Variants in EFL1 observed in about 807,000 individuals in gnomAD.
EFL1 encodes elongation factor-like GTPase 1.
EFL1 carries 76 observed loss-of-function variants against 126.7 expected under a neutral mutation model. The observed-to-expected ratio is 0.60, with a 90% CI of 0.50 to 0.73. The LOEUF (loss-of-function observed/expected upper bound fraction) is 0.73. Ranked by LOEUF, EFL1 falls within the 30% of genes least tolerant of loss-of-function variation. The pLI, the probability that EFL1 is intolerant of heterozygous loss-of-function variation, is 0.00. For missense variants in EFL1, 1,128 were observed against 1,343.2 expected (o/e 0.84, Z 2.50); for synonymous variants, 410 against 448.4 (o/e 0.91, Z 1.08).
At position 82,227,611 on chromosome 15, in the gene EFL1, TGCCTCCCACCAAGGCGAA is replaced by T. The variant is rs765840203; in HGVS notation, c.1070-57_1070-40del. 9 of 1,613,292 alleles carry T rather than the reference TGCCTCCCACCAAGGCGAA, an allele frequency of 5.6e-6. No individual in the cohort carries two copies. The South Asian group carries it at 8.8e-5, about 16-fold the overall frequency. ...TTAAGGACTGAAAACCTTGAGCCAG[TGCCTCCCACCAAGGCGAA>T]GATTCACTGTATGCACTAAATATTG... On this transcript the variant is annotated intron_variant, in intron 10 of 19. Transcript: ENST00000268206.
chr15:82,208,959 A>G (rs921732632), intron 15 of EFL1, among the ~76,000 whole-genome samples: 1 of 152,098 alleles, frequency 6.6e-6, no homozygotes, highest in African/African-American at 2.4e-5. Flanking sequence ...AAGCAATATG[A>G]AAATAAAAAG....
chr15:82,173,708 A>G (rs986086353), intron 15 of EFL1, among the ~76,000 whole-genome samples: 2 of 152,200 alleles, frequency 1.3e-5, no homozygotes, highest in African/African-American at 4.8e-5. Context: ...CATAAATAAA[A>G]TATATAAGAA....
intron 15 of EFL1, among the ~76,000 whole-genome samples, chr15:82,197,141 T>C (rs998881422): frequency 1.3e-5 from 2 of 152,196 alleles, no homozygotes; most frequent in African/African-American, 4.8e-5. Context: ...AAATTTACTA[T>C]TGTCATTTTA....
chr15:82,240,491 A>G lies in EFL1; in HGVS notation c.443T>C (p.Ile148Thr). 1 of 1,614,120 alleles carries G rather than the reference A, an allele frequency of 6.2e-7. No homozygotes were observed. Among genetic ancestry groups the G allele is most frequent in the Non-Finnish European group, 8.5e-7 (1 of 1,179,990 alleles). ...TTTCAGTTCCACTATCAAGCGATCA[A>G]TCTTATTAATCACTAAAACCGGACG... is the stretch of plus-strand genomic sequence containing the variant. The part of the protein sequence containing the change: ...NIRPVLVINK[I>T]DRLIVELKFT... The change falls in exon 6 of 20, where the codon ATT becomes ACT. Residue 148 changes from isoleucine to threonine, a missense_variant. Physicochemically the swap from Ile to Thr is moderately conservative, Grantham distance 89 (BLOSUM62 -1). Around this residue, in one of 6 missense-constraint regions of EFL1, gnomAD observed 118 missense variants for 188.1 expected, o/e 0.63. Transcript: ENST00000268206.
At chr15:82,255,784 C>T (rs2075061450) in intron 3 of EFL1, among the ~76,000 whole-genome samples, 1 of 152,072 alleles carries the variant, frequency 6.6e-6, no homozygotes, top group African/African-American at 2.4e-5. Flanking sequence ...TATTCTGAGC[C>T]GTCAGTCAAT....
intron 4 of EFL1, among the ~76,000 whole-genome samples, chr15:82,250,368 C>G: frequency 8.6e-6 from 1 of 116,018 alleles, no homozygotes. Flanking sequence ...TGACTCCACT[C>G]CGATCACCAC....
At chr15:82,244,494 T>C (rs1406444127) in intron 4 of EFL1, among the ~76,000 whole-genome samples, 3 of 152,140 alleles carry the variant, frequency 2.0e-5, no homozygotes, top group Non-Finnish European at 4.4e-5. Flanking sequence ...ATCCCTGCAA[T>C]AGCATTCAGG....
intron 6 of EFL1, among the ~76,000 whole-genome samples, 194 bp from the exon 7 acceptor site, chr15:82,238,715 T>C (rs2074900051): frequency 6.6e-6 from 1 of 152,204 alleles, no homozygotes; most frequent in Admixed American, 6.5e-5. Flanking sequence ...TCAGCATAAC[T>C]AAATTATAAG....
chr15:82,175,278 G>T (rs190372359), intron 15 of EFL1, among the ~76,000 whole-genome samples: 27 of 152,264 alleles, frequency 1.8e-4, no homozygotes, highest in Middle Eastern at 6.8e-3. Flanking sequence ...CTTACTTGAA[G>T]TAACAATATT....
intron 19 of EFL1, among the ~76,000 whole-genome samples, chr15:82,133,650 T>C (rs551415221): frequency 1.3e-5 from 2 of 152,340 alleles, no homozygotes; most frequent in East Asian, 1.9e-4. Flanking sequence ...AAAAAAACTA[T>C]TGTAATTTTT....
chr15:82,217,316 G>A (rs1195855297), intron 14 of EFL1, among the ~76,000 whole-genome samples: 1 of 111,370 alleles, frequency 9.0e-6, no homozygotes, highest in African/African-American at 3.6e-5. Flanking sequence ...AGAATTTCTT[G>A]TAAAAGTGCA....
intron 7 of EFL1, among the ~76,000 whole-genome samples, chr15:82,232,403 A>T (rs528416719): frequency 1.3e-5 from 2 of 152,292 alleles, no homozygotes; most frequent in East Asian, 3.9e-4. Flanking sequence ...TATATCCTTC[A>T]CTGACACTTA....
At chr15:82,180,359 CAA>C (rs71156028) in intron 15 of EFL1, among the ~76,000 whole-genome samples, 9,032 of 120,510 alleles carry the variant, frequency 0.075, 496 homozygotes, top group African/African-American at 0.15. Flanking sequence ...ATTAAACTGG[CAA>C]AAAAAAAAAA....
intron 4 of EFL1, among the ~76,000 whole-genome samples, chr15:82,251,318 T>C (rs2141337979): frequency 6.6e-6 from 1 of 152,248 alleles, no homozygotes; most frequent in Middle Eastern, 3.4e-3. Context: ...GTTCCCAGGG[T>C]CCTATAGCAA....
chr15:82,203,629 T>C (rs779772882), intron 15 of EFL1, among the ~76,000 whole-genome samples: 1 of 152,232 alleles, frequency 6.6e-6, no homozygotes, highest in African/African-American at 2.4e-5. Context: ...CACTCCCCCT[T>C]GGCCTCCCAA....
In EFL1 at chr15:82,244,550, C is replaced by T. The variant is rs183921680; in HGVS notation, c.245-3147G>A. On this transcript the variant is annotated intron_variant, in intron 4 of 19. Transcript: ENST00000268206. ...TACTTCCCAGGCATTCCAAACTAAA[C>T]GGCTTCATTTCAAGGCACAGATCTA... Among the ~76,000 whole-genome samples, 38 of 152,178 alleles carry T rather than the reference C, an allele frequency of 2.5e-4. No individual in the cohort carries two copies. In the Middle Eastern group the frequency reaches 0.01, roughly 41 times the overall value.
At chr15:82,214,677 C>A in intron 15 of EFL1, 40 bp downstream of exon 15, 5 of 1,291,176 alleles carry the variant, frequency 3.9e-6, no homozygotes, top group Non-Finnish European at 4.3e-6. Flanking sequence ...AGATAATCTC[C>A]TAGAATGGAG....
At chr15:82,259,468 G>T (rs1050170657) in intron 2 of EFL1, among the ~76,000 whole-genome samples, 1 of 152,106 alleles carries the variant, frequency 6.6e-6, no homozygotes, top group African/African-American at 2.4e-5. Flanking sequence ...GCCTCAGCTG[G>T]AATTTGCTAA....
intron 17 of EFL1, among the ~76,000 whole-genome samples, chr15:82,153,457 A>AT (rs2073934872): frequency 6.6e-6 from 1 of 152,326 alleles, no homozygotes; most frequent in Admixed American, 6.5e-5. Flanking sequence ...AGGTGTGTGC[A>AT]TTAAAAAAAA....
Sources: gnomAD v4.1 joint callset for allele counts (sites outside exome capture counted in the v4.1 genomes callset) on GRCh38, gnomAD v4.1.1 for gene constraint, gnomAD v4.1.1 regional missense constraint, MANE v1.5 for transcripts, NCBI Gene and HGNC (gene_info 2026-07-23, HGNC 2026-07-21) for gene names.